PAM: variants seen among roughly 807,000 people sequenced by gnomAD.
PAM encodes peptidylglycine alpha-amidating monooxygenase.
Under a neutral mutation model 122.1 loss-of-function variants are expected in PAM, and 72 were observed. The observed-to-expected ratio is 0.59, with a 90% confidence interval of 0.49 to 0.72. The LOEUF (loss-of-function observed/expected upper bound fraction) is 0.72. Ranked by LOEUF, PAM falls within the 30% of genes least tolerant of loss-of-function variation. The pLI is 0.00. For missense variants in PAM, 1,106 were observed against 1,183.7 expected (o/e 0.93, Z 0.96); for synonymous variants, 389 against 404.4 (o/e 0.96, Z 0.46).
chr5:102,874,333 T>C (rs1475240551), intron 3 of PAM, among the ~76,000 whole-genome samples: 1 of 152,224 alleles, frequency 6.6e-6, no homozygotes, highest in Non-Finnish European at 1.5e-5. Flanking sequence ...GTTAAATGGC[T>C]TTTGTAAACG....
Position 103,007,561 on chromosome 5 carries a change from C to T in PAM, c.2119C>T (p.Arg707Trp), listed in dbSNP as rs752414913. Residue 707 changes from arginine to tryptophan, a missense_variant, in exon 20 of 26, where the codon CGG becomes TGG. Arg to Trp is a moderately radical substitution (Grantham distance 101, BLOSUM62 -3). Transcript: ENST00000438793. ...ATGTGTGGCAGACCGGGAAAATGGT[C>T]GGATCCAGTGTTTTAAAACTGACAC... ...QLCVADRENG[R>W]IQCFKTDTKE... 7.4e-6 allele frequency: 12 copies of T among 1,613,524 alleles called. No individual in the cohort carries two copies. Among genetic ancestry groups the T allele is most frequent in the Admixed American group, 5.0e-5 (3 of 59,958 alleles).
intron 1 of PAM, among the ~76,000 whole-genome samples, chr5:102,801,772 ATTT>A (rs36068804): frequency 1.8e-4 from 18 of 98,972 alleles, no homozygotes; most frequent in African/African-American, 4.1e-4. Flanking sequence ...GGGAAAAGGT[ATTT>A]TTTTTTTTTT....
chr5:102,927,974 T>A (rs932009805), intron 7 of PAM, among the ~76,000 whole-genome samples: 2 of 152,176 alleles, frequency 1.3e-5, no homozygotes, highest in South Asian at 4.1e-4. Context: ...TATTTGTGTT[T>A]GGGGAACAAA....
At chr5:102,953,977 C>T (rs571360163) in intron 12 of PAM, among the ~76,000 whole-genome samples, 6 of 152,040 alleles carry the variant, frequency 3.9e-5, no homozygotes, top group Non-Finnish European at 5.9e-5. Flanking sequence ...CATGCCATTG[C>T]GCTTCAGACT....
chr5:103,002,711 GT>G (rs904379989), intron 16 of PAM, among the ~76,000 whole-genome samples: 1 of 152,140 alleles, frequency 6.6e-6, no homozygotes, highest in African/African-American at 2.4e-5. Context: ...TACATTAAGA[GT>G]TCTTGATCAA....
rs139748469 is a variant in PAM at position 102,798,822 on chromosome 5, G to T, written c.-374+43474G>T. Among the ~76,000 whole-genome samples, 430 of 152,246 alleles carry T rather than the reference G, an allele frequency of 2.8e-3. 4 individuals carry two copies. Among genetic ancestry groups the T allele is most frequent in the African/African-American group, 9.7e-3 (403 of 41,558 alleles). On this transcript the variant is annotated intron_variant, in intron 1 of 25. Coordinates refer to ENST00000438793, the MANE Select transcript of PAM (RefSeq NM_001177306.2). Reference sequence around the variant, plus strand: ...GCATGGTGGGTGAAGGGAAAAGAAGGTAATTCTGGATTTAAAATATTTTAG... The same window carrying T: ...GCATGGTGGGTGAAGGGAAAAGAAGTTAATTCTGGATTTAAAATATTTTAG...
In PAM at chr5:102,930,931, T is replaced by C. The variant is rs1020601782; in HGVS notation, c.526+4263T>C. 2.6e-5 allele frequency among the ~76,000 whole-genome samples: 4 copies of C among 152,244 alleles called. No homozygotes were observed. In the South Asian group the frequency reaches 8.3e-4, roughly 31 times the overall value. On this transcript the variant is annotated intron_variant, in intron 7 of 25. Coordinates refer to ENST00000438793, the MANE Select transcript of PAM (RefSeq NM_001177306.2). Reference sequence around the variant, plus strand: ...GGTGATAGTATGTATGGTACCAGGTTTGGTGACCAAACTCTAAGTCCAGGC... The same window carrying C: ...GGTGATAGTATGTATGGTACCAGGTCTGGTGACCAAACTCTAAGTCCAGGC...
At chr5:102,893,519 A>G (rs951161533) in intron 3 of PAM, among the ~76,000 whole-genome samples, 2 of 151,822 alleles carry the variant, frequency 1.3e-5, no homozygotes, top group East Asian at 3.9e-4. Flanking sequence ...TGTAACATTT[A>G]TAAATATGCT....
chr5:102,967,521 G>C (rs1048511555), intron 14 of PAM, among the ~76,000 whole-genome samples: 1 of 152,128 alleles, frequency 6.6e-6, no homozygotes, highest in African/African-American at 2.4e-5. Context: ...TGCTAGGATA[G>C]GGAAAGTACT....
chr5:102,888,222 G>A (rs1793746846), intron 3 of PAM, among the ~76,000 whole-genome samples: 2 of 151,844 alleles, frequency 1.3e-5, no homozygotes, highest in Admixed American at 6.6e-5. Context: ...ATGAATGGAC[G>A]AATTTCCACT....
intron 24 of PAM, among the ~76,000 whole-genome samples, 197 bp from the exon 25 acceptor site, chr5:103,027,988 A>C (rs1304221336): frequency 6.6e-6 from 1 of 152,204 alleles, no homozygotes; most frequent in Non-Finnish European, 1.5e-5. Context: ...AGACACGGGC[A>C]GGAGTCAAAC....
intron 12 of PAM, among the ~76,000 whole-genome samples, chr5:102,952,871 A>G (rs1051640452): frequency 7.2e-5 from 11 of 151,866 alleles, no homozygotes; most frequent in African/African-American, 2.4e-4. Flanking sequence ...TTTCCCATCT[A>G]CCTCCAACCC....
At chr5:103,028,345 C>T (rs1306190836) in intron 25 of PAM, 107 bp downstream of exon 25, 4 of 789,586 alleles carry the variant, frequency 5.1e-6, no homozygotes, top group Non-Finnish European at 8.7e-6. Context: ...GAAGATAAAG[C>T]ACCTTGTATG....
chr5:102,861,274 T>A (rs1784117052), intron 1 of PAM, among the ~76,000 whole-genome samples: 1 of 152,240 alleles, frequency 6.6e-6, no homozygotes. Flanking sequence ...TGCAAGATAA[T>A]GCTTATTGTT....
intron 3 of PAM, among the ~76,000 whole-genome samples, chr5:102,888,896 T>A (rs1043077109): frequency 1.3e-5 from 2 of 151,964 alleles, no homozygotes; most frequent in Admixed American, 6.6e-5. Flanking sequence ...TTGGCACCAT[T>A]TGAAATGTAA....
chr5:103,006,825 A>G lies in PAM; in HGVS notation c.1828A>G (p.Lys610Glu), dbSNP rs1412144636. Reference protein sequence around the residue: ...HQVFKLDPNNKEGPVLILGRS... With the variant: ...HQVFKLDPNNEEGPVLILGRS... ...GGTGTTCAAACTGGATCCAAACAAT[A>G]AAGAAGGCCCTGTATTAATCCTGGG... Residue 610 changes from lysine to glutamate, a missense_variant, in exon 19 of 26, where the codon AAA becomes GAA. Coordinates refer to ENST00000438793, the MANE Select transcript of PAM (RefSeq NM_001177306.2). 3 of 1,613,368 alleles carry G rather than the reference A, an allele frequency of 1.9e-6. No homozygotes were observed. Among genetic ancestry groups the G allele is most frequent in the Admixed American group, 3.3e-5 (2 of 59,942 alleles).
intron 1 of PAM, among the ~76,000 whole-genome samples, chr5:102,777,854 TA>T (rs1757593666): frequency 1.3e-5 from 2 of 152,194 alleles, no homozygotes; most frequent in Admixed American, 1.3e-4. Flanking sequence ...TTACGGATTA[TA>T]AAAAGAGAGA....
chr5:102,923,124 A>G (rs1748023678), intron 5 of PAM, among the ~76,000 whole-genome samples: 1 of 152,204 alleles, frequency 6.6e-6, no homozygotes, highest in Non-Finnish European at 1.5e-5. Flanking sequence ...GCTAAGTATA[A>G]CCTTATCAAG....
At position 102,901,338 on chromosome 5, in the gene PAM, T is replaced by TA; in HGVS notation, c.211-16dup. 5 of 1,486,230 alleles carry TA rather than the reference T, an allele frequency of 3.4e-6. No homozygotes were observed. Among genetic ancestry groups the TA allele is most frequent in the Non-Finnish European group, 4.7e-6 (5 of 1,067,576 alleles). The allele number at this position is 1,486,230 out of a possible 1,614,324, so 92.1% of individuals were successfully genotyped here. A position where few individuals can be genotyped will look rare whatever the true frequency, so the allele number is the denominator to read the frequency against. ...TAGCAACAGTTTAATTTGGATTTTT[T>TA]AATCTTTTTTTTAATAGTCCGATAC... On this transcript the variant is annotated splice_polypyrimidine_tract_variant and intron_variant, in intron 3 of 25. Coordinates refer to ENST00000438793, the MANE Select transcript of PAM (RefSeq NM_001177306.2).
Sources: allele counts gnomAD v4.1 joint callset (sites outside exome capture counted in the v4.1 genomes callset), GRCh38; gene constraint gnomAD v4.1.1; transcripts MANE v1.5; gene names NCBI Gene and HGNC (gene_info 2026-07-23, HGNC 2026-07-21).